The following ABRA variants were observed in gnomAD, a reference collection of about 807,000 sequenced individuals.
ABRA encodes actin-binding Rho-activating protein.
In ABRA, 25 loss-of-function variants were observed where a neutral mutation model predicts 33.4. That is an observed-to-expected ratio of 0.75 (90% CI 0.55 to 1.04). The LOEUF (loss-of-function observed/expected upper bound fraction) is 1.04, where lower values mean the gene tolerates loss of function less well. Among genes scored for constraint, ABRA ranks in the 50% least tolerant of loss-of-function variants. ABRA has a pLI of 0.00. For synonymous variants in ABRA, 193 were observed against 176.8 expected, an observed-to-expected ratio of 1.09 and a Z score of -0.73; for missense variants, 501 against 491.7, an observed-to-expected ratio of 1.02 and a Z score of -0.18.
chr8:106,762,727 G>A (rs563617046), intron 1 of ABRA, among the ~76,000 whole-genome samples: 4 of 152,194 alleles, frequency 2.6e-5, no homozygotes, highest in African/African-American at 9.6e-5. Context: ...ATACCTAGGT[G>A]ACAGGTTGAT....
chr8:106,766,859 C>T (rs1047163255), intron 1 of ABRA, among the ~76,000 whole-genome samples: 1 of 152,160 alleles, frequency 6.6e-6, no homozygotes, highest in African/African-American at 2.4e-5. Context: ...TATCACATCT[C>T]TTTTTTAGAT....
At chr8:106,765,890 A>T (rs1056081620) in intron 1 of ABRA, among the ~76,000 whole-genome samples, 51 of 152,172 alleles carry the variant, frequency 3.4e-4, no homozygotes, top group African/African-American at 1.1e-3. Flanking sequence ...CCACATTTTG[A>T]TCTCCATTTT....
In ABRA at chr8:106,770,059, C is replaced by T. The variant is rs140845993; in HGVS notation, c.132G>A (p.Gln44=). 4.3e-6 allele frequency: 7 copies of T among 1,613,988 alleles called. No homozygotes were observed. In the African/African-American group the frequency reaches 8.0e-5, roughly 18 times the overall value. ...GCAGCCAGCCTGTAGGCTCCTGGGC[C>T]TGCCTGATGCTGTTCTCATTCGCCC... The part of the protein sequence containing the change: ...QQWANENSIR[Q]AQEPTGWLPG... The change falls in exon 1 of 2, where the codon CAG becomes CAA. Residue 44 remains glutamine, a synonymous_variant. Coordinates refer to ENST00000311955, the MANE Select transcript of ABRA (RefSeq NM_139166.5).
chr8:106,767,295 G>A (rs2131632862), intron 1 of ABRA, among the ~76,000 whole-genome samples: 1 of 152,282 alleles, frequency 6.6e-6, no homozygotes, highest in Admixed American at 6.5e-5. Flanking sequence ...AATTTAAAAT[G>A]TGCTGAGAGA....
At position 106,761,194 on chromosome 8, in the gene ABRA, T is replaced by C; in HGVS notation, c.989A>G (p.Gln330Arg). The C allele has an allele frequency of 6.2e-7, 1 of 1,614,202 alleles. No individual in the cohort carries two copies. Among genetic ancestry groups the C allele is most frequent in the Non-Finnish European group, 8.5e-7 (1 of 1,180,032 alleles). Reference sequence around the variant, plus strand: ...GTCAAAGAGATCTCCAAAAGTAACCTGGATCTTGCCATCTCGTCTGTGGCG... The same window carrying C: ...GTCAAAGAGATCTCCAAAAGTAACCCGGATCTTGCCATCTCGTCTGTGGCG... Reference protein sequence around the residue: ...MARHRRDGKIQVTFGDLFDRY... With the variant: ...MARHRRDGKIRVTFGDLFDRY... The change falls in exon 2 of 2, where the codon CAG becomes CGG. Residue 330 changes from glutamine (Q) to arginine (R), a missense_variant. Coordinates refer to ENST00000311955, the MANE Select transcript of ABRA (RefSeq NM_139166.5).
rs754120847 is a variant in ABRA at position 106,761,459 on chromosome 8, C to T, written c.724G>A (p.Val242Met). 3 of 1,614,182 alleles carry T rather than the reference C, an allele frequency of 1.9e-6. No homozygotes were observed. The highest frequency in any genetic ancestry group is 2.5e-6 in the Non-Finnish European group (3 of 1,180,026). The change falls in exon 2 of 2, where the codon GTG (valine) becomes ATG (methionine). Residue 242 changes from valine (V) to methionine (M), a missense_variant. By Grantham distance (21) the Val-to-Met change is conservative. Coordinates refer to ENST00000311955, the MANE Select transcript of ABRA (RefSeq NM_139166.5). ...TGCCATCTCCCTTTCAAGTTGCCCACTGGGCTATATTTCTGTTGGGCTTTG... is the reference window on the plus strand; with the variant it reads ...TGCCATCTCCCTTTCAAGTTGCCCATTGGGCTATATTTCTGTTGGGCTTTG... ...NCKAQQKYSP[V>M]GNLKGRWQQW... is the part of the protein sequence containing the mutation.
intron 1 of ABRA, among the ~76,000 whole-genome samples, chr8:106,768,880 G>A (rs189669133): frequency 1.0e-3 from 157 of 152,126 alleles, no homozygotes; most frequent in African/African-American, 3.4e-3. Flanking sequence ...CAAGTGATCC[G>A]CCCTCCTCAG....
intron 1 of ABRA, among the ~76,000 whole-genome samples, chr8:106,764,387 C>T (rs1836180514): frequency 6.6e-6 from 1 of 152,186 alleles, no homozygotes; most frequent in African/African-American, 2.4e-5. Context: ...GGCACAGTGG[C>T]TCACGCCTGT....
intron 1 of ABRA, among the ~76,000 whole-genome samples, 197 bp from the exon 2 acceptor site, chr8:106,761,711 A>AT (rs1421290125): frequency 3.3e-5 from 5 of 152,218 alleles, no homozygotes; most frequent in Admixed American, 2.0e-4. Flanking sequence ...AGTTTGGTGC[A>AT]TATCCTTCTA....
rs773622056 is a variant in ABRA at position 106,760,999 on chromosome 8, A to G, written c.*38T>C. 47 of 1,573,736 alleles carry G rather than the reference A, an allele frequency of 3.0e-5. 1 individual carries two copies. The highest frequency in any genetic ancestry group is 3.7e-5 in the Non-Finnish European group (43 of 1,149,820). On this transcript the variant is annotated 3_prime_UTR_variant, in exon 2 of 2. Transcript: ENST00000311955. ...ACCTACATGAGCATTTAGCATTAAG[A>G]CCATAGTGGGCCAAATTTGGCTTTT...
chr8:106,769,134 G>C (rs1341583967), intron 1 of ABRA, among the ~76,000 whole-genome samples: 1 of 152,146 alleles, frequency 6.6e-6, no homozygotes, highest in Non-Finnish European at 1.5e-5. Flanking sequence ...CAAGGTAAAA[G>C]TTTCCCCAAT....
rs146433048 is a variant in ABRA, at chr8:106,763,915, T to A, written c.669-2401A>T. 1.3e-3 allele frequency among the ~76,000 whole-genome samples: 203 copies of A among 152,356 alleles called. 1 individual carries two copies. Among genetic ancestry groups the A allele is most frequent in the African/African-American group, 4.8e-3 (200 of 41,580 alleles). On this transcript the variant is annotated intron_variant, in intron 1 of 1. Transcript: ENST00000311955. ...TCCCTCCCATGCTTTGAAGTATTTA[T>A]TTGTGATACTTACTGTGTGCCAGGC...
At chr8:106,761,562 C>T (rs372926698) in intron 1 of ABRA, 48 bp from the exon 2 acceptor site, 8 of 1,489,640 alleles carry the variant, frequency 5.4e-6, no homozygotes, top group African/African-American at 4.2e-5. Context: ...ATGTTAACAC[C>T]GAGTGTTGTT....
intron 1 of ABRA, among the ~76,000 whole-genome samples, chr8:106,765,691 G>A (rs1043249079): frequency 1.3e-5 from 2 of 152,022 alleles, no homozygotes; most frequent in African/African-American, 4.8e-5. Context: ...AGCTTCGTTT[G>A]AGAGCCAGGC....
rs1030120586 is a variant in ABRA at position 106,760,764 on chromosome 8, T to A, written c.*273A>T. 1.6e-5 allele frequency: 6 copies of A among 384,844 alleles called. No homozygotes were observed. In the South Asian group the frequency reaches 1.8e-4, roughly 12 times the overall value. The allele number at this position is 384,844 out of a possible 1,614,324, so 23.8% of individuals were successfully genotyped here. A position where few individuals can be genotyped will look rare whatever the true frequency, so the allele number is the denominator to read the frequency against. On this transcript the variant is annotated 3_prime_UTR_variant, in exon 2 of 2. Coordinates refer to ENST00000311955, the MANE Select transcript of ABRA (RefSeq NM_139166.5). The stretch of plus-strand genomic sequence containing the variant: ...TTTGGTGACATAAAGAGAATCTGTC[T>A]CAAAACAAAAACAAAAACACCCTGT...
At chr8:106,763,477 A>G (rs932506094) in intron 1 of ABRA, among the ~76,000 whole-genome samples, 3 of 152,194 alleles carry the variant, frequency 2.0e-5, no homozygotes, top group Non-Finnish European at 4.4e-5. Flanking sequence ...CTAGGAGCTC[A>G]CCAGGCTGAA....
At position 106,770,242 on chromosome 8, in the gene ABRA, T is replaced by A; in HGVS notation, c.-52A>T. On this transcript the variant is annotated 5_prime_UTR_variant, in exon 1 of 2. Coordinates refer to ENST00000311955, the MANE Select transcript of ABRA (RefSeq NM_139166.5). Reference sequence around the variant, plus strand: ...TAGCCTGGACACTGGCTAAAATGAGTGTGGTCCAGTGGAGTGCCTGGGATT... The same window carrying A: ...TAGCCTGGACACTGGCTAAAATGAGAGTGGTCCAGTGGAGTGCCTGGGATT... 1 of 1,553,682 alleles carries A rather than the reference T, an allele frequency of 6.4e-7. No individual in the cohort carries two copies. The highest frequency in any genetic ancestry group is 8.6e-7 in the Non-Finnish European group (1 of 1,156,090).
intron 1 of ABRA, among the ~76,000 whole-genome samples, chr8:106,768,464 G>A (rs1374814319): frequency 6.6e-6 from 1 of 152,168 alleles, no homozygotes; most frequent in Non-Finnish European, 1.5e-5. Context: ...TTGAAAATTT[G>A]AAAAGTTGCA....
intron 1 of ABRA, among the ~76,000 whole-genome samples, chr8:106,762,975 A>G (rs1185612206): frequency 6.6e-6 from 1 of 152,174 alleles, no homozygotes; most frequent in Non-Finnish European, 1.5e-5. Flanking sequence ...CTCCCCAGTA[A>G]CAAGTGGCCT....
Sources: allele counts gnomAD v4.1 joint callset (sites outside exome capture counted in the v4.1 genomes callset), GRCh38; gene constraint gnomAD v4.1.1; transcripts MANE v1.5; gene names NCBI Gene and HGNC (gene_info 2026-07-23, HGNC 2026-07-21).